EYA1: variants seen among roughly 807,000 people sequenced by gnomAD.
EYA1 encodes the protein EYA transcriptional coactivator and phosphatase 1.
Under a neutral mutation model 82.0 loss-of-function variants are expected in EYA1, and 16 were observed. That is an observed-to-expected ratio of 0.20 (90% CI 0.13 to 0.30). The LOEUF is 0.30. Ranked by LOEUF, EYA1 falls within the 10% of genes least tolerant of loss-of-function variation. The pLI is 1.00. For synonymous variants in EYA1, 261 were observed against 264.4 expected (o/e 0.99, Z 0.12); for missense variants, 633 against 730.7 (o/e 0.87, Z 1.54).
At chr8:71,467,557 C>A (rs1160645311) in intron 2 of EYA1, among the ~76,000 whole-genome samples, 1 of 152,108 alleles carries the variant, frequency 6.6e-6, no homozygotes, top group Non-Finnish European at 1.5e-5. Flanking sequence ...TTTTTCATGT[C>A]TCTAGGGTAC....
intron 12 of EYA1, among the ~76,000 whole-genome samples, chr8:71,219,374 A>G (rs1809604270): frequency 6.6e-6 from 1 of 152,210 alleles, no homozygotes; most frequent in Non-Finnish European, 1.5e-5. Flanking sequence ...TTTAATTAAA[A>G]GAGATTTAAA....
At chr8:71,331,502 T>TAC (rs1554554574) in intron 4 of EYA1, among the ~76,000 whole-genome samples, 14 of 148,330 alleles carry the variant, frequency 9.4e-5, no homozygotes, top group Non-Finnish European at 1.6e-4. Flanking sequence ...TATATATATA[T>TAC]ACACATATAT....
chr8:71,213,856 A>C (rs556718626), intron 16 of EYA1, among the ~76,000 whole-genome samples: 125 of 152,250 alleles, frequency 8.2e-4, no homozygotes, highest in African/African-American at 2.7e-3. Flanking sequence ...AATAAATGGT[A>C]ATTTATTCAG....
At chr8:71,276,845 G>C (rs1289843139) in intron 9 of EYA1, among the ~76,000 whole-genome samples, 1 of 152,122 alleles carries the variant, frequency 6.6e-6, no homozygotes, top group African/African-American at 2.4e-5. Context: ...AGTATTGCTT[G>C]CTCGTTATTT....
At chr8:71,425,318 A>G (rs1198102463) in intron 2 of EYA1, among the ~76,000 whole-genome samples, 1 of 152,090 alleles carries the variant, frequency 6.6e-6, no homozygotes, top group Non-Finnish European at 1.5e-5. Context: ...GCACACTTTA[A>G]AAACTTGCTT....
At chr8:71,541,858 CGTT>C (rs1815164119) in intron 1 of EYA1, among the ~76,000 whole-genome samples, 1 of 152,162 alleles carries the variant, frequency 6.6e-6, no homozygotes, top group Non-Finnish European at 1.5e-5. Context: ...CTTCTTCAAA[CGTT>C]GTTTTGATAC....
At chr8:71,388,699 C>T (rs888592154) in intron 2 of EYA1, among the ~76,000 whole-genome samples, 2 of 152,108 alleles carry the variant, frequency 1.3e-5, no homozygotes, top group Non-Finnish European at 2.9e-5. Flanking sequence ...TGATGCTGAA[C>T]CTCTATCACA....
Position 71,220,304 on chromosome 8 carries a change from T to C in EYA1, c.1141-3281A>G, listed in dbSNP as rs187286831. ...ATAGACTTTTAAGGTGATGAAATCA[T>C]TATTGAATCCAAATCTTGGGACAGC... On this transcript the variant is annotated intron_variant, in intron 12 of 17. Coordinates refer to ENST00000340726, the MANE Select transcript of EYA1 (RefSeq NM_000503.6). Among the ~76,000 whole-genome samples the C allele has an allele frequency of 2.6e-3, 403 of 152,320 alleles. 2 individuals carry two copies. The highest frequency in any genetic ancestry group is 3.7e-3 in the Non-Finnish European group (255 of 68,020).
At chr8:71,544,717 G>T (rs1463381648) in intron 1 of EYA1, among the ~76,000 whole-genome samples, 1 of 152,074 alleles carries the variant, frequency 6.6e-6, no homozygotes, top group African/African-American at 2.4e-5. Context: ...CCCTCCAAAG[G>T]ACCTACCTGT....
At chr8:71,227,183 T>G (rs1810666043) in intron 12 of EYA1, among the ~76,000 whole-genome samples, 1 of 152,184 alleles carries the variant, frequency 6.6e-6, no homozygotes, top group Non-Finnish European at 1.5e-5. Flanking sequence ...AATATCATTT[T>G]TTTTTGGAAC....
intron 2 of EYA1, among the ~76,000 whole-genome samples, chr8:71,446,288 C>T (rs1806871159): frequency 6.6e-6 from 1 of 151,840 alleles, no homozygotes; most frequent in Admixed American, 6.6e-5. Context: ...GGTGGTTTCC[C>T]CCATGATGTT....
chr8:71,387,216 G>A (rs1829017497), intron 2 of EYA1, among the ~76,000 whole-genome samples: 1 of 152,064 alleles, frequency 6.6e-6, no homozygotes, highest in African/African-American at 2.4e-5. Flanking sequence ...CTACAGGTAA[G>A]GAAGAAACTG....
intron 2 of EYA1, among the ~76,000 whole-genome samples, chr8:71,380,019 G>T (rs765573782): frequency 6.6e-6 from 1 of 152,066 alleles, no homozygotes; most frequent in Non-Finnish European, 1.5e-5. Flanking sequence ...ATCAGCACCC[G>T]GCACCTGCCG....
chr8:71,383,039 G>A (rs576046521), intron 2 of EYA1, among the ~76,000 whole-genome samples: 1 of 151,152 alleles, frequency 6.6e-6, no homozygotes, highest in Non-Finnish European at 1.5e-5. Context: ...TTCTTCTGTG[G>A]AACAGTTACA....
Position 71,536,460 on chromosome 8 carries a change from T to C in EYA1, c.-72-612A>G, listed in dbSNP as rs57210635. On this transcript the variant is annotated intron_variant, in intron 1 of 18. Transcript: ENST00000643681. ...ATGGTTTGGGGGATGCTTCAAAACATGGACAGTAAATGTGGTATTTTCAAA... is the reference window on the plus strand; with the variant it reads ...ATGGTTTGGGGGATGCTTCAAAACACGGACAGTAAATGTGGTATTTTCAAA... 2.8e-3 allele frequency among the ~76,000 whole-genome samples: 430 copies of C among 152,292 alleles called. 4 individuals are homozygous for C. Among genetic ancestry groups the C allele is most frequent in the African/African-American group, 9.7e-3 (403 of 41,566 alleles).
At chr8:71,265,335 C>CAT (rs1815665280) in intron 11 of EYA1, among the ~76,000 whole-genome samples, 1 of 152,084 alleles carries the variant, frequency 6.6e-6, no homozygotes, top group African/African-American at 2.4e-5. Flanking sequence ...ACCTTTGGAG[C>CAT]ATTAATGTTG....
At chr8:71,429,395 C>T (rs1805469982) in intron 2 of EYA1, among the ~76,000 whole-genome samples, 1 of 151,992 alleles carries the variant, frequency 6.6e-6, no homozygotes, top group Admixed American at 6.6e-5. Flanking sequence ...AAGAATGTTG[C>T]TAAATACACC....
At chr8:71,543,021 GAC>G (rs1815272015) in intron 1 of EYA1, among the ~76,000 whole-genome samples, 1 of 152,044 alleles carries the variant, frequency 6.6e-6, no homozygotes, top group South Asian at 2.1e-4. Context: ...TCACTCTGTT[GAC>G]AGTTTCCTTT....
intron 2 of EYA1, among the ~76,000 whole-genome samples, chr8:71,378,128 T>C (rs911110587): frequency 1.3e-5 from 2 of 152,148 alleles, no homozygotes; most frequent in Non-Finnish European, 2.9e-5. Flanking sequence ...ATAACAAAGC[T>C]AAATTTTAAA....
Sources: allele counts gnomAD v4.1 joint callset (sites outside exome capture counted in the v4.1 genomes callset), GRCh38; gene constraint gnomAD v4.1.1; transcripts MANE v1.5; gene names NCBI Gene and HGNC (gene_info 2026-07-23, HGNC 2026-07-21).